Variants in LUM observed in about 807,000 individuals in gnomAD.
LUM encodes the protein KSPG lumican.
A neutral mutation model predicts 20.5 loss-of-function variants in LUM; 13 were observed. The ratio of observed to expected loss-of-function variants is 0.63; its 90% CI spans 0.41 to 1.01. LUM has a LOEUF of 1.01. Ranked by LOEUF, LUM falls within the 50% of genes least tolerant of loss-of-function variation. The pLI is 0.00. For synonymous variants in LUM, 173 were observed against 151.5 expected (o/e 1.14, Z -1.04); for missense variants, 321 against 391.1 (o/e 0.82, Z 1.51).
rs1880132799 is a variant in LUM at position 91,108,608 on chromosome 12, G to A, written c.372C>T (p.Asn124=). The change falls in exon 2 of 3, where the codon AAC becomes AAT. Residue 124 remains asparagine (N), a synonymous_variant. Coordinates refer to ENST00000266718, the MANE Select transcript of LUM (RefSeq NM_002345.4). This position sits in a 1 kb window ranked among gnomAD's most constrained non-coding sequence, Gnocchi z 4.2. The part of the protein sequence containing the change: ...KLKQLKKLHI[N]HNNLTESVGP... ...CCACAGACTCTGTCAGGTTGTTGTG[G>A]TTTATATGCAGCTTCTTCAGTTGTT... The A allele has an allele frequency of 1.9e-6, 3 of 1,613,482 alleles. No homozygotes were observed. Among genetic ancestry groups the A allele is most frequent in the South Asian group, 1.1e-5 (1 of 91,020 alleles).
chr12:91,105,590 T>C (rs17018731), intron 2 of LUM, among the ~76,000 whole-genome samples: 24,436 of 152,148 alleles, frequency 0.16, 2,318 homozygotes, highest in African/African-American at 0.26. Flanking sequence ...GATTATTATC[T>C]GGCAAAATAA....
rs1180049449 is a variant in LUM, at chr12:91,103,731, C to T, written c.*434G>A. On this transcript the variant is annotated 3_prime_UTR_variant, in exon 3 of 3. Transcript: ENST00000266718. ...GAAGCTTCATGTATTTTGCAATATTCTTGGCCTCAATATCTACCACCTATT... is the reference window on the plus strand; with the variant it reads ...GAAGCTTCATGTATTTTGCAATATTTTTGGCCTCAATATCTACCACCTATT... The T allele has an allele frequency of 6.5e-6, 1 of 153,986 alleles. No individual in the cohort carries two copies. The highest frequency in any genetic ancestry group is 2.4e-5 in the African/African-American group (1 of 41,442). The allele number at this position is 153,986 out of a possible 1,614,324, so 9.5% of individuals were successfully genotyped here. A position where few individuals can be genotyped will look rare whatever the true frequency, so the allele number is the denominator to read the frequency against.
In LUM at chr12:91,104,216, T is replaced by G; in HGVS notation, c.966A>C (p.Pro322=). The G allele has an allele frequency of 1.9e-6, 3 of 1,612,960 alleles. No individual in the cohort carries two copies. The highest frequency in any genetic ancestry group is 2.5e-6 in the Non-Finnish European group (3 of 1,179,158). ...CACGTAGACATTCATACATATCCGG[T>G]GGAAGACTGGTTTCTGAGATGCGAT... ...DGNRISETSL[P]PDMYECLRVA... Residue 322 remains proline (P), a synonymous_variant, in exon 3 of 3, where the codon CCA becomes CCC. Transcript: ENST00000266718.
At position 91,108,301 on chromosome 12, in the gene LUM, G is replaced by C. The variant is rs1880125377; in HGVS notation, c.679C>G (p.Arg227Gly). 10 of 1,614,130 alleles carry C rather than the reference G, an allele frequency of 6.2e-6. No individual in the cohort carries two copies. The highest frequency in any genetic ancestry group is 8.5e-6 in the Non-Finnish European group (10 of 1,179,986). ...ISNIPDEYFK[R>G]FNALQYLRLS... is the part of the protein sequence containing the mutation. Reference sequence around the variant, plus strand: ...CGCAGATACTGCAATGCATTAAAACGCTTGAAATACTCATCAGGGATGTTG... The same window carrying C: ...CGCAGATACTGCAATGCATTAAAACCCTTGAAATACTCATCAGGGATGTTG... The change falls in exon 2 of 3, where the codon CGT becomes GGT. Residue 227 changes from arginine (R) to glycine (G), a missense_variant. By Grantham distance (125) the Arg-to-Gly change is moderately radical (BLOSUM62 -2). Coordinates refer to ENST00000266718, the MANE Select transcript of LUM (RefSeq NM_002345.4). This position sits in a 1 kb window ranked among gnomAD's most constrained non-coding sequence, Gnocchi z 4.2.
At chr12:91,104,507 TTTAGTAAAGAGTA>T (rs1303059513) in intron 2 of LUM, among the ~76,000 whole-genome samples, 188 bp from the exon 3 acceptor site, 1 of 152,088 alleles carries the variant, frequency 6.6e-6, no homozygotes, top group Non-Finnish European at 1.5e-5. Context: ...CACAGTAACA[TTTAGTAAAGAGTA>T]ATCATGGTAG....
rs565081672 is a variant in LUM at position 91,111,430 on chromosome 12, T to G, written c.-54A>C. On this transcript the variant is annotated 5_prime_UTR_variant, in exon 1 of 3. Coordinates refer to ENST00000266718, the MANE Select transcript of LUM (RefSeq NM_002345.4). ...TCTTGACACTGCTTTCGTTAATTCT[T>G]AAAGCAGATGCACTATGGACAAGAA... is the stretch of plus-strand genomic sequence containing the variant. 6.7e-6 allele frequency: 1 copy of G among 150,236 alleles called. No homozygotes were observed. Among genetic ancestry groups the G allele is most frequent in the African/African-American group, 2.5e-5 (1 of 40,742 alleles). The allele number at this position is 150,236 out of a possible 1,614,324, so 9.3% of individuals were successfully genotyped here.
intron 2 of LUM, among the ~76,000 whole-genome samples, chr12:91,105,334 T>G (rs1263636637): frequency 6.6e-6 from 1 of 152,150 alleles, no homozygotes; most frequent in Non-Finnish European, 1.5e-5. Context: ...GAAGATTAAA[T>G]TAAGTTGTGT....
At chr12:91,105,434 C>G (rs1461116498) in intron 2 of LUM, among the ~76,000 whole-genome samples, 1 of 152,140 alleles carries the variant, frequency 6.6e-6, no homozygotes, top group African/African-American at 2.4e-5. Context: ...TTACTCTACA[C>G]TAGGAAGATC....
At chr12:91,106,690 TAAAAAAAAAAAA>T (rs374164456) in intron 2 of LUM, among the ~76,000 whole-genome samples, 1 of 90,584 alleles carries the variant, frequency 1.1e-5, no homozygotes, top group African/African-American at 4.6e-5. Context: ...ATTTTTCTTC[TAAAAAAAAAAAA>T]AAAAAAAAAG....
intron 1 of LUM, among the ~76,000 whole-genome samples, chr12:91,109,689 T>C (rs1880160985): frequency 6.6e-6 from 1 of 152,194 alleles, no homozygotes; most frequent in Non-Finnish European, 1.5e-5. Context: ...AAAATATTAG[T>C]AATATTTAAT....
chr12:91,106,690 TAAAAAA>T (rs374164456), intron 2 of LUM, among the ~76,000 whole-genome samples: 1 of 90,584 alleles, frequency 1.1e-5, no homozygotes, highest in African/African-American at 4.6e-5. Context: ...ATTTTTCTTC[TAAAAAA>T]AAAAAAAAAA....
intron 1 of LUM, among the ~76,000 whole-genome samples, chr12:91,110,279 G>T (rs1163212135): frequency 2.0e-5 from 3 of 152,128 alleles, no homozygotes; most frequent in African/African-American, 7.2e-5. Context: ...AAAGTAGTTT[G>T]GGATAAGCAG....
intron 2 of LUM, among the ~76,000 whole-genome samples, chr12:91,107,338 A>G (rs969100622): frequency 6.9e-6 from 1 of 145,518 alleles, no homozygotes; most frequent in South Asian, 2.4e-4. Flanking sequence ...AGAAAGAAAG[A>G]AAGAAAGGGA....
chr12:91,110,377 A>G (rs937743275), intron 1 of LUM, among the ~76,000 whole-genome samples: 2 of 152,186 alleles, frequency 1.3e-5, no homozygotes, highest in African/African-American at 4.8e-5. Context: ...ATGGAACGTT[A>G]TAAAACAGCT....
chr12:91,103,955 G>C lies in LUM; in HGVS notation c.*210C>G. 1 of 408,212 alleles carries C rather than the reference G, an allele frequency of 2.4e-6. No homozygotes were observed. The allele number at this position is 408,212 out of a possible 1,614,324, so 25.3% of individuals were successfully genotyped here. On this transcript the variant is annotated 3_prime_UTR_variant, in exon 3 of 3. Coordinates refer to ENST00000266718, the MANE Select transcript of LUM (RefSeq NM_002345.4). Reference sequence around the variant, plus strand: ...ACACTAAATTTACAAATAAAGCATTGAGTTTGATGTCTATTCGTGTATATG... The same window carrying C: ...ACACTAAATTTACAAATAAAGCATTCAGTTTGATGTCTATTCGTGTATATG...
intron 2 of LUM, 77 bp from the exon 3 acceptor site, chr12:91,104,396 A>G (rs1388906173): frequency 1.0e-5 from 10 of 992,350 alleles, no homozygotes; most frequent in Non-Finnish European, 1.5e-5. Context: ...TTTATGTTTA[A>G]TATATTATAA....
At chr12:91,107,286 AG>A (rs1412150937) in intron 2 of LUM, among the ~76,000 whole-genome samples, 1 of 78,384 alleles carries the variant, frequency 1.3e-5, no homozygotes, top group African/African-American at 6.8e-5. Flanking sequence ...AAAGAAAGAA[AG>A]AGAAAGAAAG....
Position 91,108,572 on chromosome 12 carries a change from G to T in LUM, c.408C>A (p.Pro136=), listed in dbSNP as rs756538448. The change falls in exon 2 of 3, where the codon CCC becomes CCA. Residue 136 remains proline, a synonymous_variant. Transcript: ENST00000266718. The surrounding 1 kb of genome is among the most constrained non-coding windows in gnomAD (Gnocchi z 4.2). ...NNLTESVGPL[P]KSLEDLQLTH... Reference sequence around the variant, plus strand: ...TAAGCTGCAGATCCTCCAGAGATTTGGGAAGTGGGCCCACAGACTCTGTCA... The same window carrying T: ...TAAGCTGCAGATCCTCCAGAGATTTTGGAAGTGGGCCCACAGACTCTGTCA... 3 of 1,611,106 alleles carry T rather than the reference G, an allele frequency of 1.9e-6. No individual in the cohort carries two copies. Among genetic ancestry groups the T allele is most frequent in the Admixed American group, 1.7e-5 (1 of 59,762 alleles).
intron 2 of LUM, among the ~76,000 whole-genome samples, chr12:91,104,666 A>G (rs1467946911): frequency 6.6e-6 from 1 of 152,152 alleles, no homozygotes; most frequent in African/African-American, 2.4e-5. Context: ...AGAAATATAA[A>G]TGGATCCCAT....
Sources: gnomAD v4.1 joint callset for allele counts (sites outside exome capture counted in the v4.1 genomes callset) on GRCh38, gnomAD v4.1.1 for gene constraint, Gnocchi (gnomAD v3.1) non-coding constraint, MANE v1.5 for transcripts, NCBI Gene and HGNC (gene_info 2026-07-23, HGNC 2026-07-21) for gene names.